PLSCR2: variants seen among roughly 807,000 people sequenced by gnomAD.
PLSCR2 encodes phospholipid scramblase 2.
Under a neutral mutation model 25.3 loss-of-function variants are expected in PLSCR2, and 18 were observed. That is an observed-to-expected ratio of 0.71 (90% CI 0.49 to 1.06). The LOEUF (loss-of-function observed/expected upper bound fraction) is 1.06. PLSCR2 is among the 50% of genes least tolerant of loss of function. The pLI is 0.00. For missense variants in PLSCR2, 243 were observed against 269.5 expected, an observed-to-expected ratio of 0.90 and a Z score of 0.69; for synonymous variants, 88 against 87.3, an observed-to-expected ratio of 1.01 and a Z score of -0.04.
downstream of PLSCR2, chr3:146,441,660 G>A (rs1013592511): frequency 3.1e-6 from 2 of 637,930 alleles, no homozygotes; most frequent in East Asian, 6.0e-5. Context: ...AACTCACACA[G>A]GTGTAAGTAA....
rs1368046635 is a variant in PLSCR2 at position 146,443,740 on chromosome 3, T to A, written c.646-1919A>T. Among the ~76,000 whole-genome samples the A allele has an allele frequency of 2.0e-5, 3 of 152,026 alleles. No homozygotes were observed. The East Asian group carries it at 5.8e-4, about 29-fold the overall frequency. ...ACTTGTTGATCTTTTTGTGTTTTTT[T>A]ATTTCAATTTTATTTATTTATTTTT... On this transcript the variant is annotated intron_variant, in intron 6 of 6. Coordinates refer to ENST00000610787, the Ensembl canonical transcript of PLSCR2.
chr3:146,458,522 TTTTA>T lies in PLSCR2; in HGVS notation c.58-73_58-70del, dbSNP rs377397150. ...ATAGAGAACTAATTACTATTCATGT[TTTTA>T]TTTAATACTGCATATAATCAGTTAT... On this transcript the variant is annotated intron_variant, in intron 2 of 6. Transcript: ENST00000610787. The T allele has an allele frequency of 2.5e-4, 281 of 1,109,554 alleles. 1 individual carries two copies. The East Asian group carries it at 7.1e-3, about 28-fold the overall frequency. 68.7% of individuals were successfully genotyped at this position (1,109,554 alleles called of 1,614,324 possible). A position where few individuals can be genotyped will look rare whatever the true frequency, so the allele number is the denominator to read the frequency against.
rs71849356 is a variant in PLSCR2, at chr3:146,393,808, C to CAAAAAAA, written c.*145+1945_*145+1951dup. 6.8e-4 allele frequency among the ~76,000 whole-genome samples: 84 copies of CAAAAAAA among 123,686 alleles called. 10 individuals are homozygous for CAAAAAAA. The East Asian group carries it at 6.8e-3, about 10-fold the overall frequency. The allele number at this position is 123,686 out of a possible 152,430, so 81.1% of individuals were successfully genotyped here. Reference sequence around the variant, plus strand: ...CAGCCTGGCGACAGAGACTCCGTCTCAAAAAAAAAAAAAAAACTTCTAAAT... The same window carrying CAAAAAAA: ...CAGCCTGGCGACAGAGACTCCGTCTCAAAAAAAAAAAAAAAAAAAAAAACTTCTAAAT... On this transcript the variant is annotated intron_variant and NMD_transcript_variant, in intron 3 of 3. Coordinates refer to the PLSCR2 transcript ENST00000463633.
chr3:146,492,587 T>A lies in PLSCR2; in HGVS notation c.-293+3308A>T, dbSNP rs578157945. Among the ~76,000 whole-genome samples the A allele has an allele frequency of 1.4e-4, 22 of 151,982 alleles. No individual in the cohort carries two copies. In the South Asian group the frequency reaches 3.7e-3, roughly 26 times the overall value. On this transcript the variant is annotated intron_variant, in intron 1 of 8. Coordinates refer to the PLSCR2 transcript ENST00000336685. ...TAAAATTAAGTCAGATCAAAAAAAA[T>A]TTGAAACTAATGAAAACAAAGATAA...
At chr3:146,400,173 T>A (rs924018656) in intron 2 of PLSCR2, among the ~76,000 whole-genome samples, 1 of 151,814 alleles carries the variant, frequency 6.6e-6, no homozygotes, top group Non-Finnish European at 1.5e-5. Flanking sequence ...ATAAAAAGCA[T>A]ACAGATGACA....
intron 1 of PLSCR2, among the ~76,000 whole-genome samples, chr3:146,482,816 G>T (rs1383243718): frequency 6.6e-6 from 1 of 152,070 alleles, no homozygotes; most frequent in Admixed American, 6.5e-5. Flanking sequence ...CAAAGACTTG[G>T]AACCAACCCA....
intron 2 of PLSCR2, among the ~76,000 whole-genome samples, chr3:146,407,956 T>G (rs972348339): frequency 2.6e-5 from 4 of 152,156 alleles, no homozygotes; most frequent in African/African-American, 7.2e-5. Context: ...TTGACAGTCA[T>G]GGATAGTAGC....
intron 8 of PLSCR2, among the ~76,000 whole-genome samples, chr3:146,434,896 C>T (rs538796943): frequency 6.7e-4 from 102 of 151,602 alleles, no homozygotes; most frequent in African/African-American, 2.3e-3. Flanking sequence ...ACATTAGGTA[C>T]ATCCCCTAAT....
chr3:146,456,156 C>T (rs77696546), intron 3 of PLSCR2, among the ~76,000 whole-genome samples: 2 of 152,302 alleles, frequency 1.3e-5, no homozygotes, highest in East Asian at 3.9e-4. Context: ...AGCTCTGCAC[C>T]TTAGATAGGC....
At chr3:146,447,518 C>T (rs917059773) in intron 6 of PLSCR2, among the ~76,000 whole-genome samples, 15 of 152,244 alleles carry the variant, frequency 9.9e-5, no homozygotes, top group African/African-American at 3.4e-4. Context: ...CGAATGGGGG[C>T]CTCAGGACTC....
intron 2 of PLSCR2, among the ~76,000 whole-genome samples, chr3:146,397,880 G>A (rs2038326384): frequency 6.6e-6 from 1 of 151,720 alleles, no homozygotes; most frequent in Non-Finnish European, 1.5e-5. Context: ...AATTTGTACT[G>A]TATTAAGTAT....
downstream of PLSCR2, among the ~76,000 whole-genome samples, chr3:146,437,463 C>A (rs371797771): frequency 3.2e-4 from 48 of 152,238 alleles, no homozygotes; most frequent in South Asian, 1.0e-2. Context: ...TGTTATTGGT[C>A]TATTCAGGGA....
chr3:146,439,842 AG>A (rs1332525798), downstream of PLSCR2, among the ~76,000 whole-genome samples: 9 of 152,120 alleles, frequency 5.9e-5, no homozygotes, highest in Admixed American at 2.6e-4. Context: ...TTGGAGGAGA[AG>A]AGGCCCTCTG....
At chr3:146,490,854 T>C (rs1221391058) in intron 1 of PLSCR2, among the ~76,000 whole-genome samples, 1 of 152,128 alleles carries the variant, frequency 6.6e-6, no homozygotes, top group Non-Finnish European at 1.5e-5. Context: ...ACATTCAAAA[T>C]CAATATCGAT....
At chr3:146,465,574 A>C (rs548413964) in intron 1 of PLSCR2, among the ~76,000 whole-genome samples, 1 of 146,280 alleles carries the variant, frequency 6.8e-6, no homozygotes, top group South Asian at 2.1e-4. Flanking sequence ...ACCCTCCACA[A>C]AAAAAAAAAA....
At chr3:146,401,710 T>G (rs2038478945) in intron 2 of PLSCR2, 1 of 152,154 alleles carries the variant, frequency 6.6e-6, no homozygotes, top group Non-Finnish European at 1.5e-5. Context: ...TATCTTAGTC[T>G]TCTTATGAAG....
intron 2 of PLSCR2, among the ~76,000 whole-genome samples, chr3:146,408,708 C>T (rs979113921): frequency 1.2e-4 from 18 of 152,014 alleles, no homozygotes; most frequent in Admixed American, 2.6e-4. Flanking sequence ...GGTGTAAATC[C>T]GATAAGCCTC....
At chr3:146,397,878 C>T (rs926629000) in intron 2 of PLSCR2, among the ~76,000 whole-genome samples, 1 of 151,832 alleles carries the variant, frequency 6.6e-6, no homozygotes, top group African/African-American at 2.4e-5. Flanking sequence ...TTAATTTGTA[C>T]TGTATTAAGT....
intron 3 of PLSCR2, among the ~76,000 whole-genome samples, chr3:146,457,773 G>C (rs192721585): frequency 1.3e-5 from 2 of 152,240 alleles, no homozygotes; most frequent in Non-Finnish European, 2.9e-5. Flanking sequence ...CAGGTAAAGT[G>C]AGTGAATCCC....
Sources: gnomAD v4.1 joint callset for allele counts (sites outside exome capture counted in the v4.1 genomes callset) on GRCh38, gnomAD v4.1.1 for gene constraint, MANE v1.5 for transcripts, NCBI Gene and HGNC (gene_info 2026-07-23, HGNC 2026-07-21) for gene names.